Variants in HELZ observed in about 807,000 individuals in gnomAD.
HELZ encodes ATP-dependent RNA helicase with zinc finger domain.
HELZ carries 23 observed loss-of-function variants against 218.2 expected under a neutral mutation model. The observed-to-expected ratio is 0.11, with a 90% CI of 0.08 to 0.15. The LOEUF is 0.15. Among genes scored for constraint, HELZ ranks in the 10% least tolerant of loss-of-function variants. The pLI is 1.00. For synonymous variants in HELZ, 814 were observed against 829.4 expected (o/e 0.98, Z 0.32); for missense variants, 1,813 against 2,353.7 (o/e 0.77, Z 4.75).
In HELZ at chr17:67,167,468, T is replaced by A. The variant is rs1393727997; in HGVS notation, c.1759A>T (p.Thr587Ser). ...GCTGCAACCTTCAAACATACCTGTG[T>A]GTCACAGTCAGGCCGAAGATTAAGT... The part of the protein sequence containing the change: ...EELNLRPDCD[T>S]QVELQFQLNR... The change falls in exon 14 of 33, where the codon ACA becomes TCA. Residue 587 changes from threonine (T) to serine (S), a missense_variant. Transcript: ENST00000358691. The A allele has an allele frequency of 3.7e-6, 6 of 1,606,810 alleles. No homozygotes were observed. Among genetic ancestry groups the A allele is most frequent in the Non-Finnish European group, 5.1e-6 (6 of 1,173,908 alleles).
intron 5 of HELZ, among the ~76,000 whole-genome samples, chr17:67,206,687 C>T (rs890807320): frequency 5.9e-5 from 9 of 151,576 alleles, no homozygotes; most frequent in Admixed American, 2.0e-4. Context: ...CAACCTCTGC[C>T]GCCCAGGTTC....
At position 67,087,101 on chromosome 17, in the gene HELZ, A is replaced by G; in HGVS notation, c.5242-20T>C. The stretch of plus-strand genomic sequence containing the variant: ...CTCATACTACACAAAGAAAAAGAAC[A>G]TTTCATAAATCAGTGCACCTTGTGC... On this transcript the variant is annotated intron_variant, in intron 31 of 32. Coordinates refer to ENST00000358691, the MANE Select transcript of HELZ (RefSeq NM_014877.4). 1 of 1,612,598 alleles carries G rather than the reference A, an allele frequency of 6.2e-7. No individual in the cohort carries two copies. The highest frequency in any genetic ancestry group is 8.5e-7 in the Non-Finnish European group (1 of 1,179,004).
intron 27 of HELZ, chr17:67,119,993 CTTTT>C (rs56893875): frequency 1.4e-3 from 223 of 161,198 alleles, no homozygotes; most frequent in Non-Finnish European, 1.6e-3. Flanking sequence ...TCTCCCTTTT[CTTTT>C]TTTTTTTTTT....
In HELZ at chr17:67,123,125, T is replaced by C. The variant is rs1298191608; in HGVS notation, c.3475A>G (p.Ile1159Val). ...PNPSVLIGNPIRAYTPPPPLG... is the reference protein window; with the variant it reads ...PNPSVLIGNPVRAYTPPPPLG... ...GGGGGTGGAGGAGTATATGCTCTAATAGGATTGCCAATAAGTACAGAAGGA... is the reference window on the plus strand; with the variant it reads ...GGGGGTGGAGGAGTATATGCTCTAACAGGATTGCCAATAAGTACAGAAGGA... Residue 1159 changes from isoleucine (I) to valine (V), a missense_variant, in exon 26 of 33, where the codon ATT (isoleucine) becomes GTT (valine). Ile to Val is a conservative substitution (Grantham distance 29). Coordinates refer to ENST00000358691, the MANE Select transcript of HELZ (RefSeq NM_014877.4). The C allele has an allele frequency of 7.4e-6, 12 of 1,613,618 alleles. No individual in the cohort carries two copies. The East Asian group carries it at 8.9e-5, about 12-fold the overall frequency.
At chr17:67,143,222 A>C (rs57349583) in intron 21 of HELZ, among the ~76,000 whole-genome samples, 5,882 of 152,184 alleles carry the variant, frequency 0.039, 388 homozygotes, top group African/African-American at 0.13. Flanking sequence ...TTCATTTTGT[A>C]TATCTGTACA....
intron 23 of HELZ, among the ~76,000 whole-genome samples, chr17:67,132,218 CTGTGTGTGTGTG>C (rs57691319): frequency 1.4e-5 from 2 of 147,878 alleles, no homozygotes; most frequent in South Asian, 4.3e-4. Context: ...CCTTAGGTCA[CTGTGTGTGTGTG>C]TGTGTGTGTG....
At chr17:67,104,482 A>C (rs2037035751) in intron 31 of HELZ, among the ~76,000 whole-genome samples, 1 of 151,976 alleles carries the variant, frequency 6.6e-6, no homozygotes, top group South Asian at 2.1e-4. Context: ...GTAAAAGTAC[A>C]TCTTTGCCAT....
intron 9 of HELZ, among the ~76,000 whole-genome samples, chr17:67,192,814 T>C (rs1323295210): frequency 6.6e-6 from 1 of 152,122 alleles, no homozygotes; most frequent in Non-Finnish European, 1.5e-5. Context: ...CCGAAGAGTT[T>C]ACCATTTTAA....
intron 2 of HELZ, among the ~76,000 whole-genome samples, chr17:67,240,689 T>C (rs529725854): frequency 6.6e-6 from 1 of 152,224 alleles, no homozygotes; most frequent in Non-Finnish European, 1.5e-5. Context: ...AAAGATGCCA[T>C]GCATTCTTTG....
At chr17:67,159,392 G>T (rs1458916829) in intron 17 of HELZ, among the ~76,000 whole-genome samples, 1 of 151,920 alleles carries the variant, frequency 6.6e-6, no homozygotes, top group Non-Finnish European at 1.5e-5. Context: ...CTTTGGTTAT[G>T]ATTACTGAAG....
intron 2 of HELZ, among the ~76,000 whole-genome samples, chr17:67,243,489 A>C (rs2041382605): frequency 6.6e-6 from 1 of 152,246 alleles, no homozygotes; most frequent in Admixed American, 6.5e-5. Flanking sequence ...AGAAAATTTG[A>C]ATAGGCAAAC....
chr17:67,099,854 C>T (rs1313901483), intron 31 of HELZ, among the ~76,000 whole-genome samples: 2 of 151,938 alleles, frequency 1.3e-5, no homozygotes, highest in East Asian at 1.9e-4. Flanking sequence ...GTCTCATTAA[C>T]GATGGTGCCA....
rs562119613 is a variant in HELZ at position 67,105,254 on chromosome 17, T to C, written c.5241+1915A>G. Among the ~76,000 whole-genome samples the C allele has an allele frequency of 5.9e-5, 9 of 152,314 alleles. No individual in the cohort carries two copies. In the East Asian group the frequency reaches 1.2e-3, roughly 20 times the overall value. On this transcript the variant is annotated intron_variant, in intron 31 of 32. Transcript: ENST00000358691. ...ATCCTCATACATAGCTGTGGGAATA[T>C]AAATGTGCAGAGAACACAGTTTGCA...
chr17:67,089,668 T>TATAGAGAGAGAGAGAG (rs71293575), intron 31 of HELZ, among the ~76,000 whole-genome samples: 7 of 70,644 alleles, frequency 9.9e-5, no homozygotes, highest in African/African-American at 1.8e-4. Flanking sequence ...TATATATATA[T>TATAGAGAGAGAGAGAG]AGAGAGAGAG....
At chr17:67,220,107 G>T (rs112492742) in intron 3 of HELZ, among the ~76,000 whole-genome samples, 1 of 152,036 alleles carries the variant, frequency 6.6e-6, no homozygotes, top group African/African-American at 2.4e-5. Flanking sequence ...TGTCCCTTCC[G>T]CCTGCCTCCA....
Position 67,190,237 on chromosome 17 carries a change from T to A in HELZ, c.676A>T (p.Asn226Tyr). Residue 226 changes from asparagine to tyrosine, a missense_variant, in exon 10 of 33, where the codon AAT becomes TAT. Around this residue, in one of 4 missense-constraint regions of HELZ, gnomAD observed 714 missense variants for 1,029.2 expected, o/e 0.69. Transcript: ENST00000358691. ...ASRLIKLKQQ[N>Y]ENKQLSGSYM... ...CTGCCTGAGAGCTGTTTATTCTCAT[T>A]TTGCTGTTTCAATTTTATCAGCCGT... is the stretch of plus-strand genomic sequence containing the variant. The A allele has an allele frequency of 6.2e-7, 1 of 1,614,042 alleles. No homozygotes were observed. Among genetic ancestry groups the A allele is most frequent in the South Asian group, 1.1e-5 (1 of 91,066 alleles).
intron 13 of HELZ, among the ~76,000 whole-genome samples, chr17:67,168,773 G>C (rs1407079041): frequency 6.6e-6 from 1 of 152,144 alleles, no homozygotes; most frequent in Non-Finnish European, 1.5e-5. Flanking sequence ...AGGCAGCACA[G>C]AGAATCAAGA....
At chr17:67,189,514 A>C in intron 11 of HELZ, 75 bp downstream of exon 11, 36 of 838,190 alleles carry the variant, frequency 4.3e-5, no homozygotes, top group Non-Finnish European at 6.4e-5. Context: ...TCTTTAACAC[A>C]GAGATTCAAA....
chr17:67,134,890 G>C (rs1022960505), intron 23 of HELZ, among the ~76,000 whole-genome samples: 4 of 151,530 alleles, frequency 2.6e-5, no homozygotes, highest in African/African-American at 9.7e-5. Flanking sequence ...CCTATGACAG[G>C]TACTAGCACA....
Sources: gnomAD v4.1 joint callset for allele counts (sites outside exome capture counted in the v4.1 genomes callset) on GRCh38, gnomAD v4.1.1 for gene constraint, gnomAD v4.1.1 regional missense constraint, MANE v1.5 for transcripts, NCBI Gene and HGNC (gene_info 2026-07-23, HGNC 2026-07-21) for gene names.